Variants in MYRIP observed in about 807,000 individuals in gnomAD.
MYRIP encodes the protein rab effector MyRIP.
MYRIP carries 49 observed loss-of-function variants against 98.0 expected under a neutral mutation model. The ratio of observed to expected loss-of-function variants is 0.50; its 90% CI spans 0.40 to 0.63. The LOEUF (loss-of-function observed/expected upper bound fraction) is 0.63. Among genes scored for constraint, MYRIP ranks in the 30% least tolerant of loss-of-function variants. The pLI is 0.00. For missense variants in MYRIP, 1,004 were observed against 1,058.2 expected, an observed-to-expected ratio of 0.95 and a Z score of 0.71; for synonymous variants, 404 against 409.5, an observed-to-expected ratio of 0.99 and a Z score of 0.16.
intron 2 of MYRIP, among the ~76,000 whole-genome samples, chr3:39,996,011 A>T (rs1436921212): frequency 6.6e-6 from 1 of 152,188 alleles, no homozygotes; most frequent in Non-Finnish European, 1.5e-5. Flanking sequence ...CAGGCCTGCC[A>T]TACAAGAGCT....
intron 3 of MYRIP, among the ~76,000 whole-genome samples, chr3:40,110,769 C>T (rs887655992): frequency 1.3e-5 from 2 of 152,128 alleles, no homozygotes; most frequent in Admixed American, 6.5e-5. Flanking sequence ...ACACAGGCCA[C>T]TCCTCTCCTC....
chr3:40,083,641 G>A (rs1403424445), intron 3 of MYRIP, among the ~76,000 whole-genome samples: 1 of 151,930 alleles, frequency 6.6e-6, no homozygotes, highest in East Asian at 1.9e-4. Flanking sequence ...AACTTCTAAA[G>A]GCTAAAGAAA....
At chr3:39,997,273 T>C (rs1175723314) in intron 2 of MYRIP, among the ~76,000 whole-genome samples, 2 of 151,340 alleles carry the variant, frequency 1.3e-5, no homozygotes, top group East Asian at 3.9e-4. Flanking sequence ...TCAACAAAAT[T>C]GATAGACCCC....
chr3:40,213,774 G>C (rs1952034229), intron 11 of MYRIP, among the ~76,000 whole-genome samples: 1 of 152,156 alleles, frequency 6.6e-6, no homozygotes, highest in South Asian at 2.1e-4. Context: ...AGTAGCAAGA[G>C]CTCCTCTTCC....
chr3:40,102,325 G>A (rs1044138418), intron 3 of MYRIP, among the ~76,000 whole-genome samples: 2 of 152,198 alleles, frequency 1.3e-5, no homozygotes, highest in African/African-American at 4.8e-5. Context: ...AAAGGTAACT[G>A]ATGGTTGTAA....
At chr3:39,972,858 T>G (rs528039218) in intron 2 of MYRIP, among the ~76,000 whole-genome samples, 21 of 151,720 alleles carry the variant, frequency 1.4e-4, no homozygotes, top group Non-Finnish European at 2.1e-4. Context: ...GACCAAAAAA[T>G]AGTCCATGCC....
intron 1 of MYRIP, among the ~76,000 whole-genome samples, chr3:39,868,000 C>T (rs777915874): frequency 2.6e-5 from 4 of 152,178 alleles, no homozygotes; most frequent in Non-Finnish European, 4.4e-5. Flanking sequence ...GAATCCTTCT[C>T]TCTCACTGTC....
At chr3:40,006,908 T>C (rs1025896161) in intron 2 of MYRIP, among the ~76,000 whole-genome samples, 10 of 152,120 alleles carry the variant, frequency 6.6e-5, no homozygotes, top group African/African-American at 2.4e-4. Context: ...TTGCCCTGGC[T>C]GGGGTGCAGT....
intron 2 of MYRIP, among the ~76,000 whole-genome samples, chr3:39,965,699 T>C (rs1488822501): frequency 1.3e-5 from 2 of 152,062 alleles, no homozygotes; most frequent in Non-Finnish European, 2.9e-5. Context: ...ATCAGGCTTG[T>C]TGGGATTATC....
intron 1 of MYRIP, among the ~76,000 whole-genome samples, chr3:39,888,116 C>T (rs1395470334): frequency 1.3e-5 from 2 of 152,000 alleles, no homozygotes; most frequent in Admixed American, 6.6e-5. Context: ...AGGTAATTTA[C>T]AGATTCAATG....
chr3:39,968,280 G>A (rs1337643568), intron 2 of MYRIP, among the ~76,000 whole-genome samples: 1 of 151,394 alleles, frequency 6.6e-6, no homozygotes, highest in Non-Finnish European at 1.5e-5. Context: ...CCACCTCCTG[G>A]GCATGCCTCA....
intron 12 of MYRIP, chr3:40,238,544 G>GC (rs1413315406): frequency 6.6e-6 from 1 of 152,212 alleles, no homozygotes; most frequent in African/African-American, 2.4e-5. Context: ...TTACCACAGG[G>GC]CAGGACTCGG....
rs75637775 is a variant in MYRIP, at chr3:39,949,546, A to T, written c.110+48620A>T. On this transcript the variant is annotated intron_variant, in intron 2 of 16. Coordinates refer to ENST00000302541, the MANE Select transcript of MYRIP (RefSeq NM_015460.4). ...TGCATAAAATGCCACACAAATCATTATCTGTCAGTGATTTCTAACTTCTCA... is the reference window on the plus strand; with the variant it reads ...TGCATAAAATGCCACACAAATCATTTTCTGTCAGTGATTTCTAACTTCTCA... Among the ~76,000 whole-genome samples the T allele has an allele frequency of 6.4e-3, 975 of 152,320 alleles. 15 individuals are homozygous for T. The highest frequency in any genetic ancestry group is 0.023 in the African/African-American group (943 of 41,582).
intron 3 of MYRIP, among the ~76,000 whole-genome samples, chr3:40,143,606 C>T (rs768987030): frequency 1.2e-4 from 19 of 152,162 alleles, no homozygotes; most frequent in Admixed American, 2.6e-4. Context: ...AAATCATAAT[C>T]GAAAACACAT....
At chr3:39,993,681 G>A (rs1004777920) in intron 2 of MYRIP, among the ~76,000 whole-genome samples, 1 of 152,136 alleles carries the variant, frequency 6.6e-6, no homozygotes, top group Non-Finnish European at 1.5e-5. Context: ...AGCATTCGGA[G>A]ACAAACTGCT....
chr3:39,980,649 C>T (rs945369922), intron 2 of MYRIP, among the ~76,000 whole-genome samples: 4 of 152,204 alleles, frequency 2.6e-5, no homozygotes, highest in Non-Finnish European at 5.9e-5. Context: ...TCAAAATGCT[C>T]ATTGCTCTAT....
chr3:40,213,662 A>G (rs1575641169), intron 11 of MYRIP, among the ~76,000 whole-genome samples: 1 of 131,498 alleles, frequency 7.6e-6, no homozygotes, highest in Non-Finnish European at 1.6e-5. Context: ...GAGTAGATCT[A>G]CGGTAATGTG....
At chr3:40,135,706 A>G (rs562310725) in intron 3 of MYRIP, among the ~76,000 whole-genome samples, 7 of 152,388 alleles carry the variant, frequency 4.6e-5, no homozygotes, top group South Asian at 2.1e-4. Context: ...TCTGCAAGCC[A>G]GAAGACAGTG....
intron 2 of MYRIP, among the ~76,000 whole-genome samples, chr3:39,980,266 A>C (rs1945857881): frequency 6.6e-6 from 1 of 152,206 alleles, no homozygotes; most frequent in Non-Finnish European, 1.5e-5. Flanking sequence ...ATTGTACAAC[A>C]GACTTGTTCC....
Sources: allele counts gnomAD v4.1 joint callset (sites outside exome capture counted in the v4.1 genomes callset), GRCh38; gene constraint gnomAD v4.1.1; transcripts MANE v1.5; gene names NCBI Gene and HGNC (gene_info 2026-07-23, HGNC 2026-07-21).